Variants in CSMD1 observed in about 807,000 individuals in gnomAD.
The protein encoded by CSMD1 is CUB and sushi domain-containing protein 1.
Under a neutral mutation model 417.5 loss-of-function variants are expected in CSMD1, and 213 were observed. The ratio of observed to expected loss-of-function variants is 0.51; its 90% CI spans 0.46 to 0.57. The LOEUF is 0.57. Among genes scored for constraint, CSMD1 ranks in the 20% least tolerant of loss-of-function variants. The pLI is 0.00. For missense variants in CSMD1, 6,923 were observed against 4,529.7 expected, an observed-to-expected ratio of 1.53 and a Z score of -15.17; for synonymous variants, 2,862 against 1,736.8, an observed-to-expected ratio of 1.65 and a Z score of -16.11.
intron 3 of CSMD1, among the ~76,000 whole-genome samples, chr8:4,290,766 T>C (rs779589750): frequency 6.6e-6 from 1 of 152,226 alleles, no homozygotes; most frequent in African/African-American, 2.4e-5. Flanking sequence ...GGATTTCTAT[T>C]CTGTAAGTCT....
chr8:4,784,841 A>C (rs1797317669), intron 1 of CSMD1, among the ~76,000 whole-genome samples: 1 of 152,206 alleles, frequency 6.6e-6, no homozygotes, highest in South Asian at 2.1e-4. Flanking sequence ...GACTAGAAGG[A>C]TATGATTCCA....
intron 7 of CSMD1, among the ~76,000 whole-genome samples, chr8:3,652,542 C>T (rs1270566817): frequency 6.6e-6 from 1 of 152,164 alleles, no homozygotes; most frequent in African/African-American, 2.4e-5. Flanking sequence ...GCTGGGGAGG[C>T]CTCACAATCT....
intron 4 of CSMD1, among the ~76,000 whole-genome samples, chr8:4,031,368 C>A (rs773727210): frequency 2.6e-5 from 4 of 152,218 alleles, no homozygotes; most frequent in Non-Finnish European, 4.4e-5. Context: ...TCACGTCTTA[C>A]ATGCATGGCA....
intron 8 of CSMD1, among the ~76,000 whole-genome samples, chr8:3,601,132 G>C (rs1254214190): frequency 6.6e-6 from 1 of 152,106 alleles, no homozygotes; most frequent in African/African-American, 2.4e-5. Flanking sequence ...CTAGATGTAG[G>C]TTTGCCTCTG....
intron 28 of CSMD1, among the ~76,000 whole-genome samples, chr8:3,221,902 C>T (rs548848056): frequency 3.8e-4 from 58 of 151,994 alleles, no homozygotes; most frequent in Non-Finnish European, 5.9e-4. Context: ...TCCCACCCTC[C>T]CATAAAAAAA....
At chr8:4,926,655 A>C (rs938492668) in intron 1 of CSMD1, among the ~76,000 whole-genome samples, 1 of 152,224 alleles carries the variant, frequency 6.6e-6, no homozygotes, top group Non-Finnish European at 1.5e-5. Context: ...TTGCAAAAAA[A>C]TATGACCAGT....
At chr8:3,967,057 G>C (rs1812723406) in intron 5 of CSMD1, among the ~76,000 whole-genome samples, 3 of 152,162 alleles carry the variant, frequency 2.0e-5, no homozygotes, top group Admixed American at 1.3e-4. Context: ...TCCAGATATT[G>C]AAATCAGACA....
intron 1 of CSMD1, among the ~76,000 whole-genome samples, chr8:4,946,645 G>A (rs894184901): frequency 2.6e-5 from 4 of 152,152 alleles, no homozygotes; most frequent in African/African-American, 9.7e-5. Context: ...TTTAGAATCT[G>A]ACTCCCGAAT....
At chr8:3,129,929 C>T (rs1030399464) in intron 41 of CSMD1, among the ~76,000 whole-genome samples, 4 of 151,772 alleles carry the variant, frequency 2.6e-5, no homozygotes, top group Non-Finnish European at 5.9e-5. Context: ...TGCAGTGAGC[C>T]GAGATCGCGC....
intron 3 of CSMD1, among the ~76,000 whole-genome samples, chr8:4,085,482 C>T (rs75513984): frequency 1.3e-5 from 2 of 151,934 alleles, no homozygotes; most frequent in Non-Finnish European, 2.9e-5. Flanking sequence ...AGTTTAAAAC[C>T]CCTTGGATAC....
rs558482528 is a variant in CSMD1 at position 4,297,019 on chromosome 8, G to T, written c.415+122934C>A. Among the ~76,000 whole-genome samples the T allele has an allele frequency of 3.9e-5, 6 of 152,216 alleles. No homozygotes were observed. The South Asian group carries it at 6.2e-4, about 16-fold the overall frequency. On this transcript the variant is annotated intron_variant, in intron 3 of 69. Coordinates refer to ENST00000635120, the MANE Select transcript of CSMD1 (RefSeq NM_033225.6). ...CAAAGACAGGAATAGGAAGTGCTGG[G>T]AAAGAGTAATGCTACATTTTTACGC... is the stretch of plus-strand genomic sequence containing the variant.
chr8:2,987,506 C>A (rs577456999), intron 54 of CSMD1, among the ~76,000 whole-genome samples: 1 of 151,024 alleles, frequency 6.6e-6, no homozygotes, highest in African/African-American at 2.4e-5. Context: ...TCTACAATAC[C>A]TTTTCTAAAA....
chr8:3,229,768 G>C (rs1381084563), intron 27 of CSMD1, among the ~76,000 whole-genome samples: 1 of 152,116 alleles, frequency 6.6e-6, no homozygotes, highest in African/African-American at 2.4e-5. Flanking sequence ...ACAGACATTT[G>C]ATTGATCCAT....
At chr8:3,814,437 G>C (rs966482856) in intron 5 of CSMD1, among the ~76,000 whole-genome samples, 3 of 152,166 alleles carry the variant, frequency 2.0e-5, no homozygotes, top group Admixed American at 6.5e-5. Context: ...TCTAGAGCAT[G>C]ACAGAATTGT....
intron 3 of CSMD1, among the ~76,000 whole-genome samples, chr8:4,381,338 A>G (rs182931451): frequency 1.3e-5 from 2 of 152,224 alleles, no homozygotes; most frequent in South Asian, 2.1e-4. Flanking sequence ...TCCCAACACA[A>G]TGGATGAGGC....
chr8:3,876,017 A>T (rs1207694215), intron 5 of CSMD1, among the ~76,000 whole-genome samples: 2 of 152,166 alleles, frequency 1.3e-5, no homozygotes, highest in Non-Finnish European at 2.9e-5. Context: ...TTCTATTTCC[A>T]GTTTTTATAC....
chr8:4,372,528 C>T (rs1394137633), intron 3 of CSMD1, among the ~76,000 whole-genome samples: 4 of 151,806 alleles, frequency 2.6e-5, no homozygotes, highest in Non-Finnish European at 5.9e-5. Context: ...AATACCTCAT[C>T]CAATAAAATG....
intron 50 of CSMD1, among the ~76,000 whole-genome samples, chr8:3,047,402 T>A (rs941484127): frequency 2.0e-5 from 3 of 152,120 alleles, no homozygotes; most frequent in South Asian, 2.1e-4. Context: ...CCTGTGCATA[T>A]CTTCAGGCTC....
intron 41 of CSMD1, among the ~76,000 whole-genome samples, chr8:3,133,556 AC>A (rs1324556487): frequency 6.6e-6 from 1 of 151,970 alleles, no homozygotes; most frequent in Non-Finnish European, 1.5e-5. Flanking sequence ...GAAGCCCCTA[AC>A]CCACCAGGAA....
Sources: allele counts gnomAD v4.1 joint callset (sites outside exome capture counted in the v4.1 genomes callset), GRCh38; gene constraint gnomAD v4.1.1; transcripts MANE v1.5; gene names NCBI Gene and HGNC (gene_info 2026-07-23, HGNC 2026-07-21).